The following GHR variants were observed in gnomAD, a reference collection of about 807,000 sequenced individuals.
GHR encodes growth hormone receptor.
A neutral mutation model predicts 67.1 loss-of-function variants in GHR; 35 were observed. The ratio of observed to expected loss-of-function variants is 0.52; its 90% CI spans 0.40 to 0.69. GHR has a LOEUF of 0.69. Ranked by LOEUF, GHR falls within the 30% of genes least tolerant of loss-of-function variation. The pLI is 0.00. For missense variants in GHR, 792 were observed against 764.6 expected (o/e 1.04, Z -0.42); for synonymous variants, 272 against 269.1 (o/e 1.01, Z -0.10).
At chr5:42,580,915 A>G (rs1032583951) in intron 2 of GHR, among the ~76,000 whole-genome samples, 3 of 152,200 alleles carry the variant, frequency 2.0e-5, no homozygotes, top group African/African-American at 7.2e-5. Context: ...TCCTCTCTCC[A>G]GTGGCAGAAG....
chr5:42,661,170 A>G (rs1360779830), intron 3 of GHR, among the ~76,000 whole-genome samples: 1 of 152,230 alleles, frequency 6.6e-6, no homozygotes, highest in Admixed American at 6.5e-5. Flanking sequence ...ACCAAGTTGG[A>G]AAACACTCTG....
At chr5:42,695,847 G>A (rs981526197) in intron 5 of GHR, among the ~76,000 whole-genome samples, 3 of 152,160 alleles carry the variant, frequency 2.0e-5, no homozygotes, top group African/African-American at 7.2e-5. Context: ...TTGCTTATAG[G>A]AATTTCTCGT....
rs537574320 is a variant in GHR at position 42,660,370 on chromosome 5, C to A, written c.137-28520C>A. 5.1e-3 allele frequency among the ~76,000 whole-genome samples: 770 copies of A among 152,250 alleles called. 6 individuals carry two copies. The highest frequency in any genetic ancestry group is 0.017 in the African/African-American group (694 of 41,538). The stretch of plus-strand genomic sequence containing the variant: ...ACTGGGAGACACCCCTCAGTAGGGG[C>A]AGACTGACACCTCACACGGCCAGGT... On this transcript the variant is annotated intron_variant, in intron 3 of 9. Transcript: ENST00000230882.
At chr5:42,439,754 C>A (rs1743488356) in intron 1 of GHR, among the ~76,000 whole-genome samples, 1 of 152,108 alleles carries the variant, frequency 6.6e-6, no homozygotes, top group African/African-American at 2.4e-5. Context: ...ACAAAGTGAT[C>A]TAAGTGATTT....
intron 2 of GHR, among the ~76,000 whole-genome samples, chr5:42,574,235 C>T (rs1750510563): frequency 6.6e-6 from 1 of 152,180 alleles, no homozygotes; most frequent in African/African-American, 2.4e-5. Context: ...TTGAAGAGTC[C>T]TGCCCTGTGT....
chr5:42,680,044 G>C (rs760814075), intron 3 of GHR, among the ~76,000 whole-genome samples: 42 of 152,162 alleles, frequency 2.8e-4, no homozygotes, highest in Non-Finnish European at 4.0e-4. Context: ...AAATACAAAG[G>C]TGTTTTTAAA....
rs36038266 is a variant in GHR, at chr5:42,617,535, G to A, written c.71-11503G>A. ...TTACATCCACCAGAAAGTAGAACAAGGCAGAAGTTGTGTGGGAGTTCTGTT... is the reference window on the plus strand; with the variant it reads ...TTACATCCACCAGAAAGTAGAACAAAGCAGAAGTTGTGTGGGAGTTCTGTT... On this transcript the variant is annotated intron_variant, in intron 2 of 9. Transcript: ENST00000230882. Among the ~76,000 whole-genome samples, 88 of 152,186 alleles carry A rather than the reference G, an allele frequency of 5.8e-4. 1 individual carries two copies. The East Asian group carries it at 0.014, about 24-fold the overall frequency.
intron 1 of GHR, among the ~76,000 whole-genome samples, chr5:42,526,174 A>G (rs1400712227): frequency 6.6e-6 from 1 of 152,102 alleles, no homozygotes; most frequent in African/African-American, 2.4e-5. Flanking sequence ...TCCAGTGAAT[A>G]CATAAGTTAT....
chr5:42,485,297 C>G (rs536919643), intron 1 of GHR, among the ~76,000 whole-genome samples: 2 of 152,320 alleles, frequency 1.3e-5, no homozygotes, highest in East Asian at 3.9e-4. Context: ...TGGTCTAGCT[C>G]TATTTCATCT....
At chr5:42,678,422 T>C (rs1012606419) in intron 3 of GHR, among the ~76,000 whole-genome samples, 3 of 152,118 alleles carry the variant, frequency 2.0e-5, no homozygotes, top group Non-Finnish European at 4.4e-5. Flanking sequence ...ATCTACTTAG[T>C]GTAGGGGTAA....
At chr5:42,636,209 CAAAAAAAAAAA>C (rs11373491) in intron 3 of GHR, among the ~76,000 whole-genome samples, 3 of 81,926 alleles carry the variant, frequency 3.7e-5, no homozygotes, top group African/African-American at 4.6e-5. Flanking sequence ...GACCCCGTTT[CAAAAAAAAAAA>C]AAAAAAAAAA....
chr5:42,602,495 T>A (rs929628316), intron 2 of GHR, among the ~76,000 whole-genome samples: 2 of 152,150 alleles, frequency 1.3e-5, no homozygotes, highest in Non-Finnish European at 2.9e-5. Flanking sequence ...TATTGAGGAG[T>A]TTAGACCATT....
intron 2 of GHR, among the ~76,000 whole-genome samples, chr5:42,584,783 G>GTA (rs1751385220): frequency 7.7e-6 from 1 of 130,108 alleles, no homozygotes; most frequent in African/African-American, 3.7e-5. Flanking sequence ...TAACTAGAAT[G>GTA]TATACACACA....
intron 9 of GHR, 21 bp downstream of exon 9, chr5:42,718,142 A>C (rs1561254608): frequency 8.2e-7 from 1 of 1,219,030 alleles, no homozygotes; most frequent in African/African-American, 1.5e-5. Flanking sequence ...ATTTTATCTA[A>C]ATTGTAGCTA....
At chr5:42,440,003 G>A (rs1372739752) in intron 1 of GHR, among the ~76,000 whole-genome samples, 1 of 152,030 alleles carries the variant, frequency 6.6e-6, no homozygotes, top group African/African-American at 2.4e-5. Flanking sequence ...ATGCTGCAAG[G>A]GAATATAAAG....
intron 1 of GHR, among the ~76,000 whole-genome samples, chr5:42,533,326 T>C (rs1479989871): frequency 2.0e-5 from 3 of 152,114 alleles, no homozygotes; most frequent in Non-Finnish European, 4.4e-5. Flanking sequence ...TGTGTCATAA[T>C]ATCTATGTTC....
chr5:42,568,075 G>A (rs1233753632), intron 2 of GHR, among the ~76,000 whole-genome samples: 1 of 152,154 alleles, frequency 6.6e-6, no homozygotes, highest in Non-Finnish European at 1.5e-5. Flanking sequence ...GCATTGATGG[G>A]TAAGTGATCT....
intron 1 of GHR, among the ~76,000 whole-genome samples, chr5:42,471,018 A>T (rs1744989565): frequency 1.3e-5 from 2 of 152,188 alleles, no homozygotes; most frequent in South Asian, 4.1e-4. Flanking sequence ...CTTATTTGTG[A>T]GAGTACAAGT....
intron 3 of GHR, among the ~76,000 whole-genome samples, chr5:42,662,011 C>T (rs1580149783): frequency 1.3e-5 from 2 of 152,062 alleles, no homozygotes; most frequent in East Asian, 3.9e-4. Flanking sequence ...ACAAAGAAGG[C>T]CATTACATAA....
Sources: gnomAD v4.1 joint callset for allele counts (sites outside exome capture counted in the v4.1 genomes callset) on GRCh38, gnomAD v4.1.1 for gene constraint, MANE v1.5 for transcripts, NCBI Gene and HGNC (gene_info 2026-07-23, HGNC 2026-07-21) for gene names.